ANXA10: variants seen among roughly 807,000 people sequenced by gnomAD.
The protein encoded by ANXA10 is annexin A10, also known as annexin 14.
In ANXA10, 49 loss-of-function variants were observed where a neutral mutation model predicts 53.5. That is an observed-to-expected ratio of 0.92 (90% CI 0.73 to 1.16). The LOEUF (loss-of-function observed/expected upper bound fraction) is 1.16. ANXA10 is among the 50% of genes most tolerant of loss of function. The pLI, the probability that ANXA10 is intolerant of heterozygous loss-of-function variation, is 0.00. For synonymous variants in ANXA10, 131 were observed against 128.9 expected, an observed-to-expected ratio of 1.02 and a Z score of -0.11; for missense variants, 393 against 394.4, an observed-to-expected ratio of 1.00 and a Z score of 0.03.
intron 6 of ANXA10, among the ~76,000 whole-genome samples, chr4:168,175,023 G>C (rs1732095076): frequency 6.6e-6 from 1 of 152,158 alleles, no homozygotes; most frequent in Admixed American, 6.5e-5. Context: ...AGCCACATGA[G>C]TAGATAACAT....
chr4:168,129,472 A>G (rs1560966424), intron 2 of ANXA10, among the ~76,000 whole-genome samples: 1 of 152,102 alleles, frequency 6.6e-6, no homozygotes, highest in Non-Finnish European at 1.5e-5. Context: ...GGGTCAGAAT[A>G]AGGATTCATT....
chr4:168,147,849 AC>A (rs1206624946), intron 3 of ANXA10, among the ~76,000 whole-genome samples: 1 of 152,146 alleles, frequency 6.6e-6, no homozygotes, highest in African/African-American at 2.4e-5. Flanking sequence ...TCTGTGTCCC[AC>A]CCTCACTCAC....
chr4:168,110,776 G>A (rs887617506), intron 1 of ANXA10, among the ~76,000 whole-genome samples: 35 of 151,648 alleles, frequency 2.3e-4, no homozygotes, highest in African/African-American at 7.5e-4. Flanking sequence ...TAAGTATTAA[G>A]GAAAGGAAGA....
At chr4:168,166,576 A>G (rs1560788373) in intron 6 of ANXA10, among the ~76,000 whole-genome samples, 1 of 151,996 alleles carries the variant, frequency 6.6e-6, no homozygotes, top group East Asian at 1.9e-4. Context: ...CAAAGGCCAC[A>G]GCTGAGAAAC....
At chr4:168,140,207 A>G (rs760379872) in intron 3 of ANXA10, among the ~76,000 whole-genome samples, 6 of 152,252 alleles carry the variant, frequency 3.9e-5, no homozygotes, top group Non-Finnish European at 8.8e-5. Context: ...TAAACCACAA[A>G]TTCAGAACAA....
At chr4:168,160,518 TACAC>T (rs1731763454) in intron 3 of ANXA10, among the ~76,000 whole-genome samples, 1 of 152,180 alleles carries the variant, frequency 6.6e-6, no homozygotes, top group African/African-American at 2.4e-5. Flanking sequence ...GCGATGAACA[TACAC>T]ATGCATGTAT....
intron 6 of ANXA10, among the ~76,000 whole-genome samples, chr4:168,172,786 A>T (rs920213884): frequency 1.3e-4 from 17 of 133,710 alleles, no homozygotes; most frequent in African/African-American, 4.3e-4. Flanking sequence ...GTATGTTGCC[A>T]TTTTTTTTTT....
intron 3 of ANXA10, among the ~76,000 whole-genome samples, chr4:168,154,985 G>A (rs1457224940): frequency 6.6e-6 from 1 of 151,982 alleles, no homozygotes; most frequent in Admixed American, 6.6e-5. Context: ...TATACCCTTT[G>A]CACTACAAGG....
intron 3 of ANXA10, among the ~76,000 whole-genome samples, chr4:168,161,339 T>C (rs927007487): frequency 1.3e-5 from 2 of 152,196 alleles, no homozygotes; most frequent in African/African-American, 2.4e-5. Flanking sequence ...TTGCTTATTT[T>C]TGTCAGGTTT....
At chr4:168,154,054 C>T (rs1731559021) in intron 3 of ANXA10, among the ~76,000 whole-genome samples, 1 of 151,850 alleles carries the variant, frequency 6.6e-6, no homozygotes, top group Non-Finnish European at 1.5e-5. Flanking sequence ...GATACAAGCG[C>T]CATCTACTGG....
At chr4:168,179,391 T>G in intron 9 of ANXA10, 79 bp downstream of exon 9, 1 of 972,716 alleles carries the variant, frequency 1.0e-6, no homozygotes, top group Non-Finnish European at 1.6e-6. Context: ...GAACTAAAGA[T>G]GCATGAGTAA....
At chr4:168,133,809 C>A (rs369081495) in intron 2 of ANXA10, among the ~76,000 whole-genome samples, 28 of 152,120 alleles carry the variant, frequency 1.8e-4, no homozygotes, top group African/African-American at 6.5e-4. Flanking sequence ...ATACCACATA[C>A]AATGAGTCAC....
intron 2 of ANXA10, among the ~76,000 whole-genome samples, chr4:168,130,974 G>T (rs1731148181): frequency 6.6e-6 from 1 of 151,292 alleles, no homozygotes; most frequent in African/African-American, 2.4e-5. Context: ...GTTTTCTCTT[G>T]ATTTTCCAAT....
intron 3 of ANXA10, among the ~76,000 whole-genome samples, chr4:168,161,091 T>C (rs1731775494): frequency 6.6e-6 from 1 of 152,202 alleles, no homozygotes; most frequent in Non-Finnish European, 1.5e-5. Context: ...ATTTTTGCTT[T>C]TGTTGCAGTT....
At chr4:168,126,657 T>G (rs1731074812) in intron 1 of ANXA10, among the ~76,000 whole-genome samples, 1 of 152,180 alleles carries the variant, frequency 6.6e-6, no homozygotes, top group Admixed American at 6.6e-5. Flanking sequence ...GTAATTCTTA[T>G]GAGTCTGTCT....
intron 6 of ANXA10, among the ~76,000 whole-genome samples, chr4:168,176,891 T>C (rs1732140166): frequency 6.6e-6 from 1 of 151,904 alleles, no homozygotes; most frequent in African/African-American, 2.4e-5. Context: ...TCCAAGCTAC[T>C]CGGGAGGCTG....
At chr4:168,141,053 A>G (rs974873690) in intron 3 of ANXA10, among the ~76,000 whole-genome samples, 2 of 152,250 alleles carry the variant, frequency 1.3e-5, no homozygotes, top group African/African-American at 2.4e-5. Flanking sequence ...AAAGCAGATT[A>G]AAACAATTTT....
chr4:168,126,589 G>A (rs1163425025), intron 1 of ANXA10, among the ~76,000 whole-genome samples: 2 of 151,994 alleles, frequency 1.3e-5, no homozygotes, highest in African/African-American at 2.4e-5. Flanking sequence ...TGTGGTTGGG[G>A]GAAATTTACA....
At chr4:168,118,022 A>G (rs1261713295) in intron 1 of ANXA10, among the ~76,000 whole-genome samples, 1 of 151,500 alleles carries the variant, frequency 6.6e-6, no homozygotes, top group African/African-American at 2.4e-5. Flanking sequence ...ATACAGGAGT[A>G]CTTGGAGAAA....
Sources: gnomAD v4.1 joint callset for allele counts (sites outside exome capture counted in the v4.1 genomes callset) on GRCh38, gnomAD v4.1.1 for gene constraint, MANE v1.5 for transcripts, NCBI Gene and HGNC (gene_info 2026-07-23, HGNC 2026-07-21) for gene names.